RAB21: variants seen among roughly 807,000 people sequenced by gnomAD.
RAB21 encodes the protein RAB21, member RAS oncogene family.
A neutral mutation model predicts 33.1 loss-of-function variants in RAB21; 13 were observed. The ratio of observed to expected loss-of-function variants is 0.39; its 90% confidence interval spans 0.26 to 0.62. The LOEUF (loss-of-function observed/expected upper bound fraction) is 0.62, where lower values mean the gene tolerates loss of function less well. Ranked by LOEUF, RAB21 falls within the 20% of genes least tolerant of loss-of-function variation. The pLI, the probability that RAB21 is intolerant of heterozygous loss-of-function variation, is 0.48. For synonymous variants in RAB21, 91 were observed against 103.7 expected (o/e 0.88, Z 0.74); for missense variants, 234 against 279.1 (o/e 0.84, Z 1.15).
At chr12:71,783,060 A>T (rs1245172613) in intron 6 of RAB21, among the ~76,000 whole-genome samples, 1 of 152,126 alleles carries the variant, frequency 6.6e-6, no homozygotes, top group East Asian at 1.9e-4. Flanking sequence ...ATTTGATGAT[A>T]TTAAGATACT....
chr12:71,776,021 G>A (rs1342515258), intron 4 of RAB21, among the ~76,000 whole-genome samples: 1 of 152,128 alleles, frequency 6.6e-6, no homozygotes, highest in African/African-American at 2.4e-5. Context: ...GAAGTAGTAG[G>A]CTACTTGGAG....
At chr12:71,778,835 G>GT (rs1883157056) in intron 4 of RAB21, among the ~76,000 whole-genome samples, 1 of 152,164 alleles carries the variant, frequency 6.6e-6, no homozygotes, top group Non-Finnish European at 1.5e-5. Flanking sequence ...GATGAAGCCA[G>GT]TAGGATGATG....
intron 4 of RAB21, among the ~76,000 whole-genome samples, chr12:71,781,037 T>C (rs1883190769): frequency 1.3e-5 from 2 of 152,244 alleles, no homozygotes; most frequent in Admixed American, 6.5e-5. Flanking sequence ...TCTTCATTTT[T>C]GTTCTGATGG....
chr12:71,790,635 A>T lies in RAB21; in HGVS notation c.*4962A>T, dbSNP rs928855309. ...TTGGTAGTGCTCCCAAATGGTAGTA[A>T]CTATTGGTCTCTAGTATATACTCCT... On this transcript the variant is annotated 3_prime_UTR_variant, in exon 7 of 7. Coordinates refer to ENST00000261263, the MANE Select transcript of RAB21 (RefSeq NM_014999.4). 1.3e-5 allele frequency: 2 copies of T among 152,196 alleles called. No individual in the cohort carries two copies. The highest frequency in any genetic ancestry group is 2.9e-5 in the Non-Finnish European group (2 of 68,034). 9.4% of individuals were successfully genotyped at this position (152,196 alleles called of 1,614,324 possible).
chr12:71,761,034 A>C (rs1286608101), intron 1 of RAB21, among the ~76,000 whole-genome samples: 13 of 150,606 alleles, frequency 8.6e-5, no homozygotes, highest in African/African-American at 3.2e-4. Context: ...GCAAGAGTCC[A>C]TCTCTAGTTA....
rs543868170 is a variant in RAB21 at position 71,769,238 on chromosome 12, T to G, written c.160-562T>G. Among the ~76,000 whole-genome samples the G allele has an allele frequency of 2.0e-5, 3 of 152,326 alleles. No individual in the cohort carries two copies. In the East Asian group the frequency reaches 5.8e-4, roughly 29 times the overall value. On this transcript the variant is annotated intron_variant, in intron 1 of 6. Coordinates refer to ENST00000261263, the MANE Select transcript of RAB21 (RefSeq NM_014999.4). ...CAGTGTATTTGGCAAGACCCTCCAT[T>G]TTAGCAATTATCACATGGAATCGTA...
Position 71,786,403 on chromosome 12 carries a change from A to AC in RAB21, c.*731dup, listed in dbSNP as rs1434495925. 1.3e-5 allele frequency: 2 copies of AC among 152,596 alleles called. No individual in the cohort carries two copies. The highest frequency in any genetic ancestry group is 3.8e-4 in the East Asian group (2 of 5,198). 9.5% of individuals were successfully genotyped at this position (152,596 alleles called of 1,614,324 possible). A position where few individuals can be genotyped will look rare whatever the true frequency, so the allele number is the denominator to read the frequency against. On this transcript the variant is annotated 3_prime_UTR_variant, in exon 7 of 7. Coordinates refer to ENST00000261263, the MANE Select transcript of RAB21 (RefSeq NM_014999.4). ...ATTTTGTGGTAGTTGAAATTGTATC[A>AC]CTTCTAAACAGCAAACTGTTTTTGT... is the stretch of plus-strand genomic sequence containing the variant.
intron 2 of RAB21, 140 bp downstream of exon 2, chr12:71,769,999 G>T: frequency 2.4e-6 from 1 of 420,686 alleles, no homozygotes. Flanking sequence ...ATTATATCTG[G>T]AATATAATTG....
rs1300265859 is a variant in RAB21, at chr12:71,793,010, A to C, written c.*7337A>C. On this transcript the variant is annotated 3_prime_UTR_variant, in exon 7 of 7. Coordinates refer to ENST00000261263, the MANE Select transcript of RAB21 (RefSeq NM_014999.4). ...TTTGCAAATAATACATTTTCAAGCC[A>C]GATTAAAATTGAATAACTTACTTTC... 6.6e-6 allele frequency: 1 copy of C among 152,254 alleles called. No individual in the cohort carries two copies. Among genetic ancestry groups the C allele is most frequent in the Non-Finnish European group, 1.5e-5 (1 of 68,044 alleles). 9.4% of individuals were successfully genotyped at this position (152,254 alleles called of 1,614,324 possible). A position where few individuals can be genotyped will look rare whatever the true frequency, so the allele number is the denominator to read the frequency against.
At chr12:71,773,482 C>T (rs1883072852) in intron 3 of RAB21, among the ~76,000 whole-genome samples, 1 of 151,712 alleles carries the variant, frequency 6.6e-6, no homozygotes, top group African/African-American at 2.4e-5. Flanking sequence ...TATTTTAGCA[C>T]TCTAATTTTT....
chr12:71,797,063 A>T lies in RAB21; in HGVS notation c.*11390A>T, dbSNP rs1883473039. 6.6e-6 allele frequency: 1 copy of T among 152,168 alleles called. No homozygotes were observed. The highest frequency in any genetic ancestry group is 2.4e-5 in the African/African-American group (1 of 41,458). 9.4% of individuals were successfully genotyped at this position (152,168 alleles called of 1,614,324 possible). ...TGTTTCCATTTTCATAATGGGGGTTAGTCATAAACCATTCTATGTGGAGCA... is the reference window on the plus strand; with the variant it reads ...TGTTTCCATTTTCATAATGGGGGTTTGTCATAAACCATTCTATGTGGAGCA... On this transcript the variant is annotated 3_prime_UTR_variant, in exon 7 of 7. Coordinates refer to ENST00000261263, the MANE Select transcript of RAB21 (RefSeq NM_014999.4).
At chr12:71,764,053 T>C (rs1294495086) in intron 1 of RAB21, among the ~76,000 whole-genome samples, 1 of 152,112 alleles carries the variant, frequency 6.6e-6, no homozygotes, top group Non-Finnish European at 1.5e-5. Flanking sequence ...GCTTGGCACA[T>C]AGTATGATTT....
In RAB21 at chr12:71,785,269, A is replaced by G. The variant is rs147777511; in HGVS notation, c.536-262A>G. Among the ~76,000 whole-genome samples the G allele has an allele frequency of 9.2e-3, 1,397 of 152,258 alleles. 21 individuals are homozygous for G. The highest frequency in any genetic ancestry group is 0.032 in the African/African-American group (1,332 of 41,536). On this transcript the variant is annotated intron_variant, in intron 6 of 6. Coordinates refer to ENST00000261263, the MANE Select transcript of RAB21 (RefSeq NM_014999.4). ...TGTACGCAGGCAATTGTTCAGAGCAAAAAAATTTTTTTCTTTATTGATATC... is the reference window on the plus strand; with the variant it reads ...TGTACGCAGGCAATTGTTCAGAGCAGAAAAATTTTTTTCTTTATTGATATC...
At chr12:71,782,826 A>G (rs772457402) in intron 6 of RAB21, among the ~76,000 whole-genome samples, 168 bp downstream of exon 6, 7 of 152,030 alleles carry the variant, frequency 4.6e-5, no homozygotes, top group Non-Finnish European at 1.0e-4. Flanking sequence ...TTAATGCTTA[A>G]ATACCTACTT....
chr12:71,794,405 T>TTATATATATA lies in RAB21; in HGVS notation c.*8746_*8755dup, dbSNP rs1197587877. 136 of 51,040 alleles carry TTATATATATA rather than the reference T, an allele frequency of 2.7e-3. 2 individuals carry two copies. Among genetic ancestry groups the TTATATATATA allele is most frequent in the African/African-American group, 0.013 (123 of 9,354 alleles). The allele number at this position is 51,040 out of a possible 1,614,324, so 3.2% of individuals were successfully genotyped here. A position where few individuals can be genotyped will look rare whatever the true frequency, so the allele number is the denominator to read the frequency against. On this transcript the variant is annotated 3_prime_UTR_variant, in exon 7 of 7. Transcript: ENST00000261263. ...AAAACAAAACAAAACCATATATATA[T>TTATATATATA]TATATATATATATATATATATATTT...
In RAB21 at chr12:71,762,003, A is replaced by G. The variant is rs142330728; in HGVS notation, c.159+6715A>G. Among the ~76,000 whole-genome samples, 370 of 152,318 alleles carry G rather than the reference A, an allele frequency of 2.4e-3. 3 individuals carry two copies. The highest frequency in any genetic ancestry group is 0.016 in the South Asian group (75 of 4,830). ...TTAAGTGATTTATTATAATATCTTC[A>G]TACAGTATAATAATTGAAGTTCTTT... On this transcript the variant is annotated intron_variant, in intron 1 of 6. Coordinates refer to ENST00000261263, the MANE Select transcript of RAB21 (RefSeq NM_014999.4).
intron 1 of RAB21, among the ~76,000 whole-genome samples, chr12:71,756,626 A>C (rs966268747): frequency 3.9e-5 from 6 of 152,250 alleles, no homozygotes; most frequent in Non-Finnish European, 7.3e-5. Flanking sequence ...CATTTTTAAA[A>C]AATCCTTGTA....
In RAB21 at chr12:71,793,840, ATAAT is replaced by A. The variant is rs1337796019; in HGVS notation, c.*8169_*8172del. The A allele has an allele frequency of 1.3e-5, 2 of 152,228 alleles. No individual in the cohort carries two copies. The highest frequency in any genetic ancestry group is 6.5e-5 in the Admixed American group (1 of 15,282). 9.4% of individuals were successfully genotyped at this position (152,228 alleles called of 1,614,324 possible). A position where few individuals can be genotyped will look rare whatever the true frequency, so the allele number is the denominator to read the frequency against. ...GTTCTGGGTTCTAGGTTCTAGGCTA[ATAAT>A]TTACTACTTTGGTATGTTGCCTTGA... On this transcript the variant is annotated 3_prime_UTR_variant, in exon 7 of 7. Transcript: ENST00000261263.
chr12:71,770,185 A>G (rs1883021639), intron 2 of RAB21, among the ~76,000 whole-genome samples: 1 of 152,110 alleles, frequency 6.6e-6, no homozygotes, highest in South Asian at 2.1e-4. Context: ...ATAATGCAGC[A>G]GATACTTCTT....
Sources: allele counts gnomAD v4.1 joint callset (sites outside exome capture counted in the v4.1 genomes callset), GRCh38; gene constraint gnomAD v4.1.1; transcripts MANE v1.5; gene names NCBI Gene and HGNC (gene_info 2026-07-23, HGNC 2026-07-21).